Variants in STIMATE observed in about 807,000 individuals in gnomAD.
STIMATE encodes the protein store-operated calcium entry regulator STIMATE.
Under a neutral mutation model 36.7 loss-of-function variants are expected in STIMATE, and 15 were observed. The ratio of observed to expected loss-of-function variants is 0.41; its 90% CI spans 0.27 to 0.63. STIMATE has a LOEUF of 0.63. Ranked by LOEUF, STIMATE falls within the 20% of genes least tolerant of loss-of-function variation. STIMATE has a pLI of 0.32. For missense variants in STIMATE, 305 were observed against 397.3 expected (o/e 0.77, Z 1.98); for synonymous variants, 163 against 162.3 (o/e 1.00, Z -0.03).
chr3:52,867,464 A>G (rs1479006736), intron 1 of STIMATE, among the ~76,000 whole-genome samples: 1 of 152,224 alleles, frequency 6.6e-6, no homozygotes, highest in Non-Finnish European at 1.5e-5. Context: ...CCATGAGCTC[A>G]TACGCCATAA....
chr3:52,872,018 T>A (rs753996260), intron 1 of STIMATE, among the ~76,000 whole-genome samples: 11 of 152,148 alleles, frequency 7.2e-5, no homozygotes, highest in Admixed American at 4.6e-4. Context: ...TGGAACACTC[T>A]TCTCCCGGGT....
intron 1 of STIMATE, 89 bp from the exon 2 acceptor site, chr3:52,855,533 T>C (rs1701077957): frequency 3.8e-6 from 6 of 1,576,282 alleles, no homozygotes; most frequent in Non-Finnish European, 5.2e-6. Context: ...GTCTACTCAC[T>C]GTGTGTATAA....
chr3:52,843,074 A>G, intron 6 of STIMATE, 114 bp from the exon 7 acceptor site: 2 of 1,503,024 alleles, frequency 1.3e-6, no homozygotes, highest in Non-Finnish European at 1.8e-6. Context: ...AGCTATGGAA[A>G]GAAAAACCCA....
intron 3 of STIMATE, among the ~76,000 whole-genome samples, chr3:52,850,324 C>T (rs11716563): frequency 2.0e-5 from 3 of 152,068 alleles, no homozygotes; most frequent in East Asian, 1.9e-4. Flanking sequence ...CCCAGCTACT[C>T]GGGGGGCTGA....
intron 1 of STIMATE, among the ~76,000 whole-genome samples, chr3:52,881,217 A>G (rs1043221228): frequency 6.6e-6 from 1 of 152,250 alleles, no homozygotes; most frequent in African/African-American, 2.4e-5. Context: ...AAAAAAAAAA[A>G]AAAATGTAAA....
chr3:52,864,737 G>T (rs573569352), intron 1 of STIMATE, among the ~76,000 whole-genome samples: 15 of 152,208 alleles, frequency 9.9e-5, no homozygotes, highest in African/African-American at 3.1e-4. Context: ...TCTTCCTCCA[G>T]ATACCCTAAA....
chr3:52,878,839 G>A (rs995229350), intron 1 of STIMATE, among the ~76,000 whole-genome samples: 2 of 152,156 alleles, frequency 1.3e-5, no homozygotes, highest in African/African-American at 4.8e-5. Flanking sequence ...CAACAGATAA[G>A]AGCCGATAGG....
rs762297093 is a variant in STIMATE at position 52,852,632 on chromosome 3, T to C, written c.276A>G (p.Ala92=). ...AACAAGGGTCCTCTTCAGTGAGATC[T>C]GCTAGGTATACATTTGCAAAGTGGA... ...LFIHFANVYL[A]DLTEEDPCSL... Residue 92 remains alanine (A), a synonymous_variant, in exon 3 of 8, where the codon GCA becomes GCG. Transcript: ENST00000355083. 1.2e-5 allele frequency: 19 copies of C among 1,614,084 alleles called. No homozygotes were observed. The highest frequency in any genetic ancestry group is 1.5e-5 in the Non-Finnish European group (18 of 1,180,024).
intron 4 of STIMATE, among the ~76,000 whole-genome samples, chr3:52,849,505 G>A (rs1269124363): frequency 6.6e-6 from 1 of 152,206 alleles, no homozygotes. Context: ...GGGACTGCTG[G>A]TGTCTTCCAT....
At chr3:52,860,471 G>T (rs1559493234) in intron 1 of STIMATE, among the ~76,000 whole-genome samples, 1 of 152,104 alleles carries the variant, frequency 6.6e-6, no homozygotes, top group Non-Finnish European at 1.5e-5. Flanking sequence ...AGAACAGCAG[G>T]GCGTGCGGGA....
At chr3:52,866,027 C>A (rs1439953446) in intron 1 of STIMATE, among the ~76,000 whole-genome samples, 2 of 152,206 alleles carry the variant, frequency 1.3e-5, no homozygotes, top group African/African-American at 4.8e-5. Flanking sequence ...TGTGGCTGTG[C>A]CATCTCATTT....
chr3:52,891,865 G>T (rs1019504328), intron 1 of STIMATE, among the ~76,000 whole-genome samples: 1 of 152,172 alleles, frequency 6.6e-6, no homozygotes, highest in African/African-American at 2.4e-5. Flanking sequence ...CCCCCAAGGA[G>T]GGCCTAACAT....
chr3:52,845,050 T>G (rs1700870598), intron 4 of STIMATE, 109 bp from the exon 5 acceptor site: 8 of 1,075,098 alleles, frequency 7.4e-6, no homozygotes, highest in Non-Finnish European at 9.1e-6. Context: ...TCTAAAGCTC[T>G]AAAGGTACTT....
At chr3:52,840,753 G>C (rs1700783852) in intron 7 of STIMATE, 143 bp from the exon 8 acceptor site, 3 of 762,068 alleles carry the variant, frequency 3.9e-6, no homozygotes, top group Non-Finnish European at 4.1e-6. Context: ...AGGCTAGAGT[G>C]CAATGGCACG....
rs1163333201 is a variant in STIMATE, at chr3:52,837,621, A to G, written c.*2873T>C. 6.6e-6 allele frequency: 1 copy of G among 152,238 alleles called. No individual in the cohort carries two copies. The highest frequency in any genetic ancestry group is 1.9e-4 in the East Asian group (1 of 5,196). 9.4% of individuals were successfully genotyped at this position (152,238 alleles called of 1,614,324 possible). ...TCTTCCATTTGGATATGACAGTTCT[A>G]CCTCATTAGTTTATTTCCAATAGTT... On this transcript the variant is annotated 3_prime_UTR_variant, in exon 8 of 8. Coordinates refer to ENST00000355083, the MANE Select transcript of STIMATE (RefSeq NM_198563.5).
chr3:52,856,874 T>A (rs1428918317), intron 1 of STIMATE, among the ~76,000 whole-genome samples: 1 of 152,212 alleles, frequency 6.6e-6, no homozygotes, highest in Non-Finnish European at 1.5e-5. Context: ...CTACGTATCC[T>A]CCACTGAGGT....
intron 1 of STIMATE, among the ~76,000 whole-genome samples, chr3:52,865,882 CTGTG>C (rs529568433): frequency 2.6e-5 from 4 of 151,366 alleles, no homozygotes; most frequent in Non-Finnish European, 5.9e-5. Context: ...ATGCACAGAT[CTGTG>C]TGTGTGTGTG....
chr3:52,847,432 T>A, intron 4 of STIMATE: 1 of 1,285,480 alleles, frequency 7.8e-7, no homozygotes, highest in Non-Finnish European at 1.0e-6. Context: ...TGGGAAAGAG[T>A]GGCCTGGTAA....
chr3:52,857,412 TGGAACTCAGGAAGGAGACATGAGAA>T (rs763330508), intron 1 of STIMATE, among the ~76,000 whole-genome samples: 3 of 152,120 alleles, frequency 2.0e-5, no homozygotes, highest in Non-Finnish European at 4.4e-5. Flanking sequence ...ACTTGGGGGC[TGGAACTCAGGAAGGAGACATGAGAA>T]AACTAGGCCA....
Sources: gnomAD v4.1 joint callset for allele counts (sites outside exome capture counted in the v4.1 genomes callset) on GRCh38, gnomAD v4.1.1 for gene constraint, MANE v1.5 for transcripts, NCBI Gene and HGNC (gene_info 2026-07-23, HGNC 2026-07-21) for gene names.